The following PECR variants were observed in gnomAD, a reference collection of about 807,000 sequenced individuals.
PECR encodes the protein peroxisomal trans-2-enoyl-CoA reductase, also known as 2,4-dienoyl-CoA reductase-related protein.
PECR carries 30 observed loss-of-function variants against 35.3 expected under a neutral mutation model. The observed-to-expected ratio is 0.85, with a 90% CI of 0.64 to 1.15. PECR has a LOEUF of 1.15. Ranked by LOEUF, PECR falls within the 50% of genes most tolerant of loss-of-function variation. The pLI, the probability that PECR is intolerant of heterozygous loss-of-function variation, is 0.00. For synonymous variants in PECR, 148 were observed against 138.9 expected (o/e 1.07, Z -0.46); for missense variants, 392 against 370.8 (o/e 1.06, Z -0.47).
chr2:216,065,275 A>G, intron 3 of PECR, 37 bp downstream of exon 3: 2 of 1,442,076 alleles, frequency 1.4e-6, no homozygotes, highest in East Asian at 4.5e-5. Context: ...ATCTCTAAAT[A>G]AAGACATGTT....
intron 7 of PECR, among the ~76,000 whole-genome samples, chr2:216,030,396 G>A (rs559015648): frequency 6.6e-6 from 1 of 152,122 alleles, no homozygotes; most frequent in East Asian, 1.9e-4. Flanking sequence ...GTTCATGCCA[G>A]TTTCCTCAAC....
chr2:216,047,983 ATTTTT>A (rs34079201), intron 6 of PECR, among the ~76,000 whole-genome samples: 1 of 134,844 alleles, frequency 7.4e-6, no homozygotes, highest in Non-Finnish European at 1.6e-5. Context: ...GAGGCAGGTG[ATTTTT>A]TTTTTTTTTC....
chr2:216,036,478 T>C (rs903649382), downstream of PECR, among the ~76,000 whole-genome samples: 6 of 152,206 alleles, frequency 3.9e-5, no homozygotes, highest in African/African-American at 1.4e-4. Flanking sequence ...CTGGAACTGA[T>C]CTCTGAACTC....
At chr2:216,042,827 G>A (rs1166648003) in intron 7 of PECR, among the ~76,000 whole-genome samples, 2 of 151,508 alleles carry the variant, frequency 1.3e-5, no homozygotes, top group African/African-American at 4.9e-5. Context: ...CATGATCTTG[G>A]CTCACTGCAA....
At chr2:216,063,411 A>T (rs1385396207) in intron 3 of PECR, among the ~76,000 whole-genome samples, 1 of 152,142 alleles carries the variant, frequency 6.6e-6, no homozygotes, top group Non-Finnish European at 1.5e-5. Context: ...CAAGGTCAGG[A>T]GATGGAGACC....
chr2:216,055,359 C>T (rs1695203491), intron 4 of PECR, among the ~76,000 whole-genome samples: 1 of 151,536 alleles, frequency 6.6e-6, no homozygotes, highest in Middle Eastern at 3.4e-3. Flanking sequence ...ATCGCCTGAA[C>T]CCAGGAGGCG....
chr2:216,032,042 T>C (rs531389850), intron 7 of PECR, among the ~76,000 whole-genome samples: 77 of 152,374 alleles, frequency 5.1e-4, no homozygotes, highest in African/African-American at 1.8e-3. Flanking sequence ...TCTAACAAAA[T>C]AGCCTTTGAT....
At chr2:216,065,685 C>T (rs1448987150) in intron 2 of PECR, among the ~76,000 whole-genome samples, 1 of 152,164 alleles carries the variant, frequency 6.6e-6, no homozygotes, top group Non-Finnish European at 1.5e-5. Context: ...CCACAGATCA[C>T]AAAGCTAAAA....
intron 2 of PECR, 95 bp from the exon 3 acceptor site, chr2:216,065,572 T>C (rs1695450013): frequency 1.3e-6 from 1 of 773,390 alleles, no homozygotes; most frequent in African/African-American, 1.7e-5. Context: ...GTTTGCAATC[T>C]CTCACAGTGA....
At chr2:216,050,371 T>C (rs1695084365) in intron 5 of PECR, among the ~76,000 whole-genome samples, 2 of 152,240 alleles carry the variant, frequency 1.3e-5, no homozygotes, top group African/African-American at 4.8e-5. Flanking sequence ...ATACTGATAC[T>C]GGAGAGATAT....
At chr2:216,061,786 G>A (rs1222088765) in intron 3 of PECR, among the ~76,000 whole-genome samples, 1 of 151,958 alleles carries the variant, frequency 6.6e-6, no homozygotes, top group African/African-American at 2.4e-5. Context: ...AACAATTAGG[G>A]AAATTTCAAT....
At chr2:216,031,371 C>T (rs1694687194) in intron 7 of PECR, among the ~76,000 whole-genome samples, 2 of 148,604 alleles carry the variant, frequency 1.3e-5, no homozygotes, top group South Asian at 2.1e-4. Context: ...TGTACCACTG[C>T]ACTGCAGCCT....
chr2:216,063,853 G>A (rs892503789), intron 3 of PECR: 6 of 152,048 alleles, frequency 3.9e-5, no homozygotes, highest in African/African-American at 1.5e-4. Context: ...AAGTAGCTGG[G>A]ACTACAGATG....
chr2:216,061,493 A>G (rs1695350769), intron 3 of PECR, among the ~76,000 whole-genome samples: 1 of 152,144 alleles, frequency 6.6e-6, no homozygotes, highest in Non-Finnish European at 1.5e-5. Context: ...AGACAAGCGA[A>G]AAAATTTAAG....
Position 216,051,545 on chromosome 2 carries a change from C to G in PECR, c.507G>C (p.Val169=). 6.3e-7 allele frequency: 1 copy of G among 1,588,992 alleles called. No homozygotes were observed. The highest frequency in any genetic ancestry group is 1.1e-5 in the South Asian group (1 of 90,550). ...CACCTGCTCTTGCAGCTCCAGAATGCCTTTGAAAGACAAAACATAAACATG... is the reference window on the plus strand; with the variant it reads ...CACCTGCTCTTGCAGCTCCAGAATGGCTTTGAAAGACAAAACATAAACATG... ...VPTKAGFPLA[V]HSGAARAGVY... The change falls in exon 5 of 8, where the codon GTG becomes GTC. Residue 169 remains valine, a splice_region_variant and synonymous_variant. Coordinates refer to ENST00000265322, the MANE Select transcript of PECR (RefSeq NM_018441.6).
intron 4 of PECR, 93 bp downstream of exon 4, chr2:216,058,802 G>T: frequency 1.3e-6 from 1 of 754,676 alleles, no homozygotes; most frequent in Admixed American, 2.0e-5. Flanking sequence ...AGGTATTAAT[G>T]ATCTTGATTT....
rs562586341 is a variant in PECR at position 216,081,798 on chromosome 2, T to C, written c.-57A>G. 1.3e-6 allele frequency: 2 copies of C among 1,594,160 alleles called. No individual in the cohort carries two copies. The highest frequency in any genetic ancestry group is 1.7e-6 in the Non-Finnish European group (2 of 1,173,518). ...CAGGCCCTTCTGGGTCTCAGGGACA[T>C]TCGAGGCGGGCGGGCGGACAGGGCG... On this transcript the variant is annotated 5_prime_UTR_variant, in exon 1 of 8. The change abolishes an upstream ATG in the 5' untranslated region. Coordinates refer to ENST00000265322, the MANE Select transcript of PECR (RefSeq NM_018441.6).
chr2:216,033,571 A>G (rs1273669639), downstream of PECR: 1 of 152,346 alleles, frequency 6.6e-6, no homozygotes, highest in Non-Finnish European at 1.5e-5. Context: ...TAACCTCAGC[A>G]AAGGGTGGCC....
chr2:216,043,057 ACG>A lies in PECR; in HGVS notation c.826+845_826+846del, dbSNP rs1314669060. 3.9e-5 allele frequency among the ~76,000 whole-genome samples: 4 copies of A among 103,118 alleles called. 1 individual carries two copies. The highest frequency in any genetic ancestry group is 1.2e-4 in the African/African-American group (3 of 25,762). The allele number at this position is 103,118 out of a possible 152,430, so 67.6% of individuals were successfully genotyped here. ...TGTATGTGTATATATATATACACAT[ACG>A]TATATATGTATGTATATATATACAC... On this transcript the variant is annotated intron_variant, in intron 7 of 7. Transcript: ENST00000265322.
Sources: gnomAD v4.1 joint callset for allele counts (sites outside exome capture counted in the v4.1 genomes callset) on GRCh38, gnomAD v4.1.1 for gene constraint, MANE v1.5 for transcripts, NCBI Gene and HGNC (gene_info 2026-07-23, HGNC 2026-07-21) for gene names.